Variants in ARMC3 observed in about 807,000 individuals in gnomAD.
ARMC3 encodes armadillo repeat-containing protein 3.
In ARMC3, 74 loss-of-function variants were observed where a neutral mutation model predicts 90.3. The observed-to-expected ratio is 0.82, with a 90% CI of 0.68 to 0.99. The LOEUF (loss-of-function observed/expected upper bound fraction) is 0.99. Among genes scored for constraint, ARMC3 ranks in the 50% least tolerant of loss-of-function variants. The pLI, the probability that ARMC3 is intolerant of heterozygous loss-of-function variation, is 0.00. For synonymous variants in ARMC3, 334 were observed against 361.8 expected (o/e 0.92, Z 0.87); for missense variants, 958 against 1,042.8 (o/e 0.92, Z 1.12).
In ARMC3 at chr10:23,037,329, G is replaced by A. The variant is rs922486010; in HGVS notation, c.2469G>A (p.Ala823=). 81 of 1,613,888 alleles carry A rather than the reference G, an allele frequency of 5.0e-5. No individual in the cohort carries two copies. Among genetic ancestry groups the A allele is most frequent in the Middle Eastern group, 1.7e-4 (1 of 6,054 alleles). The part of the protein sequence containing the change: ...CSLVRGEYGR[A]WNEVMLQNDS... ...TAGTTCGCGGAGAGTACGGTAGAGCGTGGAATGAAGTCATGCTGCAGAATG... is the reference window on the plus strand; with the variant it reads ...TAGTTCGCGGAGAGTACGGTAGAGCATGGAATGAAGTCATGCTGCAGAATG... The change falls in exon 19 of 19, where the codon GCG becomes GCA. Residue 823 remains alanine, a synonymous_variant. Transcript: ENST00000298032.
In ARMC3 at chr10:22,975,912, G is replaced by T. The variant is rs151060419; in HGVS notation, c.917-5428G>T. ...TTTCTATGCAGTGTTTCATAATTTT[G>T]GTTTTTAATGCTCATCATGGAATGC... On this transcript the variant is annotated intron_variant, in intron 8 of 18. Coordinates refer to ENST00000298032, the MANE Select transcript of ARMC3 (RefSeq NM_173081.5). Among the ~76,000 whole-genome samples, 480 of 152,132 alleles carry T rather than the reference G, an allele frequency of 3.2e-3. 6 individuals carry two copies. Among genetic ancestry groups the T allele is most frequent in the Non-Finnish European group, 2.5e-3 (169 of 68,004 alleles).
intron 13 of ARMC3, among the ~76,000 whole-genome samples, chr10:23,004,786 C>A (rs1837494149): frequency 6.6e-6 from 1 of 152,142 alleles, no homozygotes; most frequent in African/African-American, 2.4e-5. Flanking sequence ...CCTTCTGCCT[C>A]CCCCACCTCC....
intron 16 of ARMC3, among the ~76,000 whole-genome samples, chr10:23,021,850 T>G (rs1838527134): frequency 6.6e-6 from 1 of 152,196 alleles, no homozygotes; most frequent in Admixed American, 6.5e-5. Context: ...ATGAGCATTC[T>G]TTGTCTTATA....
In ARMC3 at chr10:22,933,193, G is replaced by A. The variant is rs142366639; in HGVS notation, c.48+1149G>A. On this transcript the variant is annotated intron_variant, in intron 2 of 18. Coordinates refer to ENST00000298032, the MANE Select transcript of ARMC3 (RefSeq NM_173081.5). ...AAGGCTTTGCAGGGGTAGACATTGT[G>A]ATCTCATGATGTTTCATCATTCTGG... is the stretch of plus-strand genomic sequence containing the variant. Among the ~76,000 whole-genome samples, 134 of 152,176 alleles carry A rather than the reference G, an allele frequency of 8.8e-4. 2 individuals carry two copies. The highest frequency in any genetic ancestry group is 3.1e-3 in the African/African-American group (128 of 41,538).
rs1834177091 is a variant in ARMC3 at position 22,937,991 on chromosome 10, G to A, written c.48+5947G>A. On this transcript the variant is annotated intron_variant, in intron 2 of 18. Coordinates refer to ENST00000298032, the MANE Select transcript of ARMC3 (RefSeq NM_173081.5). ...GGAGAAAGGAAAGTTCAGGCCCCAA[G>A]GCAGCTTATATTATAGTGGGAGAAA... Among the ~76,000 whole-genome samples the A allele has an allele frequency of 2.0e-5, 3 of 152,252 alleles. No homozygotes were observed. The South Asian group carries it at 6.2e-4, about 32-fold the overall frequency.
intron 2 of ARMC3, among the ~76,000 whole-genome samples, chr10:22,941,290 G>A (rs1834320205): frequency 6.6e-6 from 1 of 152,140 alleles, no homozygotes; most frequent in Non-Finnish European, 1.5e-5. Flanking sequence ...AGATGTGTAT[G>A]TTTCTTAAAA....
chr10:23,011,350 A>T (rs1034312443), intron 16 of ARMC3, among the ~76,000 whole-genome samples: 4 of 152,190 alleles, frequency 2.6e-5, no homozygotes, highest in African/African-American at 9.7e-5. Context: ...CCTCATCTGT[A>T]AAACTGAAAT....
chr10:23,005,161 C>T (rs1471522826), intron 13 of ARMC3, among the ~76,000 whole-genome samples: 1 of 141,174 alleles, frequency 7.1e-6, no homozygotes, highest in Non-Finnish European at 1.5e-5. Flanking sequence ...TGTGGTGAGC[C>T]GAGATCATAC....
At chr10:22,946,469 T>C in intron 3 of ARMC3, 1 of 341,156 alleles carries the variant, frequency 2.9e-6, no homozygotes, top group Non-Finnish European at 5.3e-6. Context: ...AGTCACTGGG[T>C]AGAACAGTCA....
chr10:22,948,063 T>G (rs1834608999), intron 3 of ARMC3, among the ~76,000 whole-genome samples: 1 of 152,184 alleles, frequency 6.6e-6, no homozygotes, highest in East Asian at 1.9e-4. Context: ...TTTAAATAAA[T>G]GATACTTGAC....
rs1444564539 is a variant in ARMC3, at chr10:22,973,974, G to C, written c.916+5485G>C. Among the ~76,000 whole-genome samples the C allele has an allele frequency of 4.6e-5, 7 of 151,610 alleles. No homozygotes were observed. The East Asian group carries it at 1.2e-3, about 25-fold the overall frequency. On this transcript the variant is annotated intron_variant, in intron 8 of 18. Transcript: ENST00000298032. ...GGGGTTTCACCATGTTAGCCAGGAT[G>C]GTCTTGATCTCCTGACCTCATGATC...
chr10:22,966,760 C>T (rs1288457282), intron 7 of ARMC3, among the ~76,000 whole-genome samples: 3 of 152,102 alleles, frequency 2.0e-5, no homozygotes, highest in Non-Finnish European at 4.4e-5. Flanking sequence ...TACATGGCAG[C>T]AGATGACCAT....
At chr10:22,952,049 A>G (rs1056083956) in intron 3 of ARMC3, among the ~76,000 whole-genome samples, 14 of 152,030 alleles carry the variant, frequency 9.2e-5, no homozygotes, top group African/African-American at 2.4e-4. Flanking sequence ...CTCTTGAACC[A>G]GGGAGGTGGA....
intron 11 of ARMC3, among the ~76,000 whole-genome samples, chr10:23,001,379 T>G (rs1837280650): frequency 6.6e-6 from 1 of 152,232 alleles, no homozygotes; most frequent in African/African-American, 2.4e-5. Flanking sequence ...AGTGCATCAC[T>G]GCAACCTCTG....
chr10:22,998,131 C>T lies in ARMC3; in HGVS notation c.1176-17C>T, dbSNP rs761438154. 1.2e-6 allele frequency: 2 copies of T among 1,609,102 alleles called. No homozygotes were observed. The highest frequency in any genetic ancestry group is 1.7e-5 in the Admixed American group (1 of 59,758). Reference sequence around the variant, plus strand: ...GAATTCAGATGAATCACATTCATTTCTCTTTCATTTACTCAGCGCTGCTGC... The same window carrying T: ...GAATTCAGATGAATCACATTCATTTTTCTTTCATTTACTCAGCGCTGCTGC... On this transcript the variant is annotated splice_polypyrimidine_tract_variant and intron_variant, in intron 10 of 18. Transcript: ENST00000298032.
At chr10:22,942,018 T>G (rs1834344889) in intron 2 of ARMC3, among the ~76,000 whole-genome samples, 1 of 152,264 alleles carries the variant, frequency 6.6e-6, no homozygotes, top group African/African-American at 2.4e-5. Context: ...TCACTTGTGG[T>G]TTGGGTTTGA....
chr10:23,029,473 A>C (rs1838836329), intron 16 of ARMC3, among the ~76,000 whole-genome samples: 1 of 152,198 alleles, frequency 6.6e-6, no homozygotes, highest in African/African-American at 2.4e-5. Flanking sequence ...ATAAGAACCC[A>C]TGCTATTGTT....
intron 10 of ARMC3, among the ~76,000 whole-genome samples, chr10:22,995,450 C>T (rs1352053599): frequency 6.6e-6 from 1 of 152,054 alleles, no homozygotes; most frequent in African/African-American, 2.4e-5. Flanking sequence ...CAGGTTGTGC[C>T]AGCTGTGCCT....
intron 3 of ARMC3, among the ~76,000 whole-genome samples, chr10:22,949,380 G>A (rs981288326): frequency 6.6e-6 from 1 of 152,164 alleles, no homozygotes; most frequent in Admixed American, 6.5e-5. Flanking sequence ...AATTACAACT[G>A]TATTCTATAT....
Sources: gnomAD v4.1 joint callset for allele counts (sites outside exome capture counted in the v4.1 genomes callset) on GRCh38, gnomAD v4.1.1 for gene constraint, MANE v1.5 for transcripts, NCBI Gene and HGNC (gene_info 2026-07-23, HGNC 2026-07-21) for gene names.